The following OSBPL9 variants were observed in gnomAD, a reference collection of about 807,000 sequenced individuals.
The protein encoded by OSBPL9 is oxysterol binding protein like 9.
Under a neutral mutation model 106.6 loss-of-function variants are expected in OSBPL9, and 40 were observed. That is an observed-to-expected ratio of 0.38 (90% CI 0.29 to 0.49). OSBPL9 has a LOEUF of 0.49. OSBPL9 is among the 20% of genes least tolerant of loss of function. The pLI is 0.97. For synonymous variants in OSBPL9, 269 were observed against 295.4 expected (o/e 0.91, Z 0.92); for missense variants, 609 against 887.2 (o/e 0.69, Z 3.98).
Position 51,784,421 on chromosome 1 carries a change from TA to T in OSBPL9, c.1689-16del, listed in dbSNP as rs774303757. On this transcript the variant is annotated intron_variant, in intron 19 of 23. Transcript: ENST00000428468. ...CTTCCTCTTAACTGTCAACCTTACC[TA>T]AAAACTTTTGATTTTGCAGGTCTAT... 42 of 1,613,924 alleles carry T rather than the reference TA, an allele frequency of 2.6e-5. No individual in the cohort carries two copies. The African/African-American group carries it at 5.1e-4, about 19-fold the overall frequency.
the OSBPL9 span, among the ~76,000 whole-genome samples, chr1:51,548,296 G>T: frequency 5.9e-5 from 9 of 152,046 alleles, no homozygotes; most frequent in Non-Finnish European, 1.3e-4. Context: ...ACAGAGTCTT[G>T]CTGTGTTGCC....
chr1:51,676,833 T>G (rs1007613796), intron 3 of OSBPL9, among the ~76,000 whole-genome samples: 2 of 152,348 alleles, frequency 1.3e-5, no homozygotes, highest in Middle Eastern at 3.4e-3. Flanking sequence ...TGGGCATTGT[T>G]AATGTTCTAC....
the OSBPL9 span, among the ~76,000 whole-genome samples, chr1:51,557,063 T>C: frequency 2.5e-4 from 38 of 151,954 alleles, no homozygotes; most frequent in Middle Eastern, 6.3e-3. Context: ...TATCAAAATA[T>C]CTCATGTACC....
the OSBPL9 span, chr1:51,561,362 C>T: frequency 6.6e-6 from 1 of 152,154 alleles, no homozygotes; most frequent in Non-Finnish European, 1.5e-5. Context: ...AAGTAGGAGA[C>T]TTTCACAGTG....
intron 1 of OSBPL9, among the ~76,000 whole-genome samples, chr1:51,651,471 C>T (rs1646513200): frequency 6.6e-6 from 1 of 151,952 alleles, no homozygotes; most frequent in African/African-American, 2.4e-5. Flanking sequence ...AGCATGGTGG[C>T]GGGTGCCTGT....
rs1232799034 is a variant in OSBPL9 at position 51,761,860 on chromosome 1, C to A, written c.674-7C>A. On this transcript the variant is annotated splice_polypyrimidine_tract_variant and splice_region_variant and intron_variant, in intron 10 of 23. Transcript: ENST00000428468. ...TGTACCTTATTTTATACGTTCAAATCTCCTAGAACCTGTTCAGTTGTGTAA... is the reference window on the plus strand; with the variant it reads ...TGTACCTTATTTTATACGTTCAAATATCCTAGAACCTGTTCAGTTGTGTAA... 11 of 1,596,600 alleles carry A rather than the reference C, an allele frequency of 6.9e-6. No individual in the cohort carries two copies. The highest frequency in any genetic ancestry group is 9.4e-6 in the Non-Finnish European group (11 of 1,164,510).
At chr1:51,614,233 T>C (rs1644009064), upstream of OSBPL9, 1 of 152,232 alleles carries the variant, frequency 6.6e-6, no homozygotes, top group Non-Finnish European at 1.5e-5. Flanking sequence ...AGATATATTC[T>C]TATTTACTTC....
chr1:51,741,828 G>C (rs887466370), intron 4 of OSBPL9, among the ~76,000 whole-genome samples: 9 of 151,956 alleles, frequency 5.9e-5, no homozygotes, highest in African/African-American at 2.2e-4. Flanking sequence ...AACTTTAAAT[G>C]AATTCATACA....
At chr1:51,660,742 G>T (rs1355367304) in intron 2 of OSBPL9, among the ~76,000 whole-genome samples, 1 of 152,154 alleles carries the variant, frequency 6.6e-6, no homozygotes, top group Non-Finnish European at 1.5e-5. Context: ...AAGCCATTCT[G>T]CTCCCTTCTA....
At chr1:51,701,772 T>G (rs1489278935) in intron 3 of OSBPL9, among the ~76,000 whole-genome samples, 1 of 152,204 alleles carries the variant, frequency 6.6e-6, no homozygotes, top group African/African-American at 2.4e-5. Flanking sequence ...ACATTAGGTA[T>G]ATATCCTAAT....
chr1:51,703,847 G>C (rs767781621), intron 3 of OSBPL9, among the ~76,000 whole-genome samples: 50 of 152,100 alleles, frequency 3.3e-4, no homozygotes, highest in Admixed American at 5.2e-4. Context: ...TAGCATGAAG[G>C]GTTGTTGAAT....
the OSBPL9 span, among the ~76,000 whole-genome samples, chr1:51,531,365 CTG>C: frequency 6.6e-6 from 1 of 152,116 alleles, no homozygotes; most frequent in Non-Finnish European, 1.5e-5. Context: ...AGGGCAGAAA[CTG>C]GTAAAACAAA....
At chr1:51,735,732 A>G (rs1665531014) in intron 4 of OSBPL9, among the ~76,000 whole-genome samples, 1 of 152,248 alleles carries the variant, frequency 6.6e-6, no homozygotes, top group Non-Finnish European at 1.5e-5. Flanking sequence ...ACTGAATTCT[A>G]AGGTCCAGCA....
intron 1 of OSBPL9, among the ~76,000 whole-genome samples, chr1:51,644,486 C>G (rs569825198): frequency 2.8e-4 from 42 of 152,162 alleles, no homozygotes; most frequent in Admixed American, 9.8e-4. Flanking sequence ...TGCCACCACA[C>G]CCGGCTAATT....
chr1:51,531,841 C>T, the OSBPL9 span, among the ~76,000 whole-genome samples: 1 of 152,040 alleles, frequency 6.6e-6, no homozygotes, highest in East Asian at 1.9e-4. Flanking sequence ...ACTACCAAGC[C>T]CTGGGCCACT....
chr1:51,610,905 C>T (rs1402341241), intron 2 of OSBPL9, among the ~76,000 whole-genome samples: 2 of 152,206 alleles, frequency 1.3e-5, no homozygotes, highest in Non-Finnish European at 2.9e-5. Context: ...GAGAACCAGG[C>T]ACTCAATGAG....
the OSBPL9 span, among the ~76,000 whole-genome samples, chr1:51,559,498 GT>G: frequency 6.6e-6 from 1 of 151,892 alleles, no homozygotes; most frequent in East Asian, 1.9e-4. Context: ...CAATGCTGGA[GT>G]TTTAGAAATG....
chr1:51,749,918 T>G (rs1241482187), intron 7 of OSBPL9, among the ~76,000 whole-genome samples: 1 of 151,670 alleles, frequency 6.6e-6, no homozygotes, highest in Non-Finnish European at 1.5e-5. Flanking sequence ...TATTATTTAG[T>G]ATAAATTAAC....
chr1:51,761,363 T>A (rs1370361190), intron 10 of OSBPL9, among the ~76,000 whole-genome samples: 1 of 152,162 alleles, frequency 6.6e-6, no homozygotes, highest in Non-Finnish European at 1.5e-5. Context: ...TGCCCTTTTG[T>A]TATATCCAAC....
Sources: allele counts gnomAD v4.1 joint callset (sites outside exome capture counted in the v4.1 genomes callset), GRCh38; gene constraint gnomAD v4.1.1; transcripts MANE v1.5; gene names NCBI Gene and HGNC (gene_info 2026-07-23, HGNC 2026-07-21).